Variants in ZFHX3 observed in about 807,000 individuals in gnomAD.
The protein encoded by ZFHX3 is zinc finger homeobox 3, also known as zinc finger homeobox protein 3.
A neutral mutation model predicts 279.1 loss-of-function variants in ZFHX3; 42 were observed. The observed-to-expected ratio is 0.15, with a 90% confidence interval of 0.12 to 0.19. The LOEUF (loss-of-function observed/expected upper bound fraction) is 0.19. Ranked by LOEUF, ZFHX3 falls within the 10% of genes least tolerant of loss-of-function variation. The probability of loss-of-function intolerance (pLI) is 1.00; values close to 1 mark genes in which losing one functional copy is unlikely to be tolerated. For synonymous variants in ZFHX3, 2,293 were observed against 1,957.8 expected, an observed-to-expected ratio of 1.17 and a Z score of -4.52; for missense variants, 4,981 against 4,754.0, an observed-to-expected ratio of 1.05 and a Z score of -1.40.
Position 72,793,589 on chromosome 16 carries a change from G to T in ZFHX3, c.9093C>A (p.Ile3031=). The T allele has an allele frequency of 6.2e-7, 1 of 1,614,196 alleles. No individual in the cohort carries two copies. The highest frequency in any genetic ancestry group is 8.5e-7 in the Non-Finnish European group (1 of 1,180,036). ...GTACAGACAGCCGAGCGCTGTACTT[G>T]ATGCCACACAAAGTGCACTCTGTTT... The part of the protein sequence containing the change: ...GPKTECTLCG[I]KYSARLSVRD... Residue 3031 remains isoleucine (I), a synonymous_variant, in exon 9 of 10, where the codon ATC becomes ATA. Transcript: ENST00000268489. This position sits in a 1 kb window ranked among gnomAD's most constrained non-coding sequence, Gnocchi z 4.3.
At chr16:73,236,949 C>T (rs1229788525) in intron 5 of ZFHX3, among the ~76,000 whole-genome samples, 1 of 152,162 alleles carries the variant, frequency 6.6e-6, no homozygotes, top group Non-Finnish European at 1.5e-5. Context: ...CAAGAAGGCT[C>T]CTCTTCTCAC....
At chr16:73,682,788 AAAAGAAAGAAAG>A (rs201561147) in intron 1 of ZFHX3, among the ~76,000 whole-genome samples, 7 of 147,702 alleles carry the variant, frequency 4.7e-5, no homozygotes, top group South Asian at 2.1e-4. Flanking sequence ...ACTTCATTTC[AAAAGAAAGAAAG>A]AAAGAAAGAA....
intron 1 of ZFHX3, among the ~76,000 whole-genome samples, chr16:73,697,010 A>G (rs1270589264): frequency 6.6e-6 from 1 of 152,222 alleles, no homozygotes; most frequent in African/African-American, 2.4e-5. Context: ...AATTTAGAAA[A>G]GAAAGGGGAA....
intron 1 of ZFHX3, among the ~76,000 whole-genome samples, chr16:72,963,208 G>A (rs1389059206): frequency 6.6e-6 from 1 of 152,046 alleles, no homozygotes; most frequent in Non-Finnish European, 1.5e-5. Context: ...CTCCCTCCAC[G>A]TTCTGTGCCC....
chr16:73,523,098 G>C (rs191534360), intron 2 of ZFHX3, among the ~76,000 whole-genome samples: 1 of 152,114 alleles, frequency 6.6e-6, no homozygotes, highest in Admixed American at 6.6e-5. Flanking sequence ...CATATCACAA[G>C]GAAAGGGAGT....
chr16:73,248,668 C>CTGTGTGTGTGTGT (rs1567429979), intron 5 of ZFHX3, among the ~76,000 whole-genome samples: 1 of 125,034 alleles, frequency 8.0e-6, no homozygotes, highest in Non-Finnish European at 1.6e-5. Flanking sequence ...TGTGTGTGCA[C>CTGTGTGTGTGTGT]GTGCACGTGT....
At chr16:73,155,783 A>G (rs2144850771) in intron 5 of ZFHX3, among the ~76,000 whole-genome samples, 1 of 152,154 alleles carries the variant, frequency 6.6e-6, no homozygotes, top group South Asian at 2.1e-4. Flanking sequence ...AGATCGCGCC[A>G]TTGCACTCCA....
intron 2 of ZFHX3, among the ~76,000 whole-genome samples, chr16:73,632,180 C>T (rs561486964): frequency 1.3e-5 from 2 of 152,038 alleles, no homozygotes; most frequent in Admixed American, 1.3e-4. Flanking sequence ...ATGTGTTGAG[C>T]AATTTATGTC....
intron 7 of ZFHX3, among the ~76,000 whole-genome samples, chr16:73,124,212 A>G (rs1257748468): frequency 2.0e-5 from 3 of 152,130 alleles, no homozygotes; most frequent in South Asian, 4.1e-4. Context: ...GCAGAAATAT[A>G]TTTGTCCCAG....
chr16:72,971,404 ATGT>A (rs1962099134), intron 1 of ZFHX3, among the ~76,000 whole-genome samples: 1 of 152,130 alleles, frequency 6.6e-6, no homozygotes. Context: ...TTTTCTGAAC[ATGT>A]TGTTTTGTTT....
chr16:73,740,327 G>A (rs183967256), intron 1 of ZFHX3, among the ~76,000 whole-genome samples: 8 of 152,138 alleles, frequency 5.3e-5, no homozygotes, highest in Admixed American at 2.6e-4. Flanking sequence ...GAGCAGATAC[G>A]AGGCAGGCTG....
At chr16:73,673,235 G>A (rs184559472) in intron 2 of ZFHX3, among the ~76,000 whole-genome samples, 2 of 152,228 alleles carry the variant, frequency 1.3e-5, no homozygotes, top group African/African-American at 4.8e-5. Flanking sequence ...AATAGGGAAG[G>A]GGCACACGGG....
rs1266748072 is a variant in ZFHX3, at chr16:72,796,471, T to G, written c.6211A>C (p.Ile2071Leu). Reference protein sequence around the residue: ...TPAIPASAPPITSPTIAPAQP... With the variant: ...TPAIPASAPPLTSPTIAPAQP... ...GCCGGTGCAATTGTAGGTGAGGTGA[T>G]GGGTGGGGCTGATGCGGGGATGGCT... The change falls in exon 9 of 10, where the codon ATC becomes CTC. Residue 2071 changes from isoleucine to leucine, a missense_variant. Ile to Leu is a conservative substitution (Grantham distance 5, BLOSUM62 2). Around this residue, in one of 7 missense-constraint regions of ZFHX3, gnomAD observed 1,751 missense variants for 1,770.0 expected, o/e 0.99. Coordinates refer to ENST00000268489, the MANE Select transcript of ZFHX3 (RefSeq NM_006885.4). 2.2e-6 allele frequency: 3 copies of G among 1,342,572 alleles called. No individual in the cohort carries two copies. Among genetic ancestry groups the G allele is most frequent in the Non-Finnish European group, 2.0e-6 (2 of 1,018,894 alleles). 83.2% of individuals were successfully genotyped at this position (1,342,572 alleles called of 1,614,324 possible).
At chr16:73,667,686 C>A (rs2052858826) in intron 2 of ZFHX3, among the ~76,000 whole-genome samples, 1 of 152,196 alleles carries the variant, frequency 6.6e-6, no homozygotes, top group African/African-American at 2.4e-5. Flanking sequence ...GGATAACAAT[C>A]AGTAAAAGTT....
At chr16:73,756,313 A>C (rs149018571) in intron 1 of ZFHX3, among the ~76,000 whole-genome samples, 1 of 152,192 alleles carries the variant, frequency 6.6e-6, no homozygotes, top group Non-Finnish European at 1.5e-5. Flanking sequence ...TCATCTTTAG[A>C]GTATAATCTG....
chr16:73,621,621 A>C (rs556791109), intron 2 of ZFHX3, among the ~76,000 whole-genome samples: 1 of 152,320 alleles, frequency 6.6e-6, no homozygotes, highest in Non-Finnish European at 1.5e-5. Flanking sequence ...TTTGAACCAC[A>C]GGGAGCTGCA....
chr16:73,417,399 T>TC lies in ZFHX3; in HGVS notation c.-1291+38603_-1291+38604insG, dbSNP rs1555515185. Reference sequence around the variant, plus strand: ...AAGAAAAGGAATTTTTTCTTTTCTTTTTTTTTTTTTTTTTTGGAGACAGGG... The same window carrying TC: ...AAGAAAAGGAATTTTTTCTTTTCTTTCTTTTTTTTTTTTTTTGGAGACAGGG... On this transcript the variant is annotated intron_variant, in intron 3 of 17. Transcript: ENST00000641206. Among the ~76,000 whole-genome samples the TC allele has an allele frequency of 1.5e-3, 213 of 146,372 alleles. 4 individuals are homozygous for TC. Among genetic ancestry groups the TC allele is most frequent in the African/African-American group, 4.1e-3 (162 of 39,824 alleles).
At chr16:72,877,576 T>C (rs1460424169) in intron 4 of ZFHX3, among the ~76,000 whole-genome samples, 1 of 152,204 alleles carries the variant, frequency 6.6e-6, no homozygotes, top group African/African-American at 2.4e-5. Flanking sequence ...CTGGTGTTTA[T>C]GTTGTAGTAG....
chr16:73,131,686 A>G (rs1966685123), intron 6 of ZFHX3, among the ~76,000 whole-genome samples: 1 of 152,180 alleles, frequency 6.6e-6, no homozygotes, highest in Non-Finnish European at 1.5e-5. Context: ...CCAGTACAAG[A>G]TCTGATTTCT....
Sources: gnomAD v4.1 joint callset for allele counts (sites outside exome capture counted in the v4.1 genomes callset) on GRCh38, gnomAD v4.1.1 for gene constraint, gnomAD v4.1.1 regional missense constraint, Gnocchi (gnomAD v3.1) non-coding constraint, MANE v1.5 for transcripts, NCBI Gene and HGNC (gene_info 2026-07-23, HGNC 2026-07-21) for gene names.